VPS13B: variants seen among roughly 807,000 people sequenced by gnomAD.
VPS13B encodes the protein intermembrane lipid transfer protein VPS13B.
VPS13B carries 285 observed loss-of-function variants against 426.4 expected under a neutral mutation model. The observed-to-expected ratio is 0.67, with a 90% CI of 0.61 to 0.74. The LOEUF (loss-of-function observed/expected upper bound fraction) is 0.74, where lower values mean the gene tolerates loss of function less well. Ranked by LOEUF, VPS13B falls within the 30% of genes least tolerant of loss-of-function variation. The probability of loss-of-function intolerance (pLI) is 0.00; values close to 1 mark genes in which losing one functional copy is unlikely to be tolerated. For missense variants in VPS13B, 4,537 were observed against 4,782.6 expected, an observed-to-expected ratio of 0.95 and a Z score of 1.51; for synonymous variants, 1,676 against 1,676.4, an observed-to-expected ratio of 1.00 and a Z score of 0.01.
intron 19 of VPS13B, among the ~76,000 whole-genome samples, chr8:99,292,783 TTA>T (rs1481247665): frequency 6.6e-6 from 1 of 152,114 alleles, no homozygotes; most frequent in Non-Finnish European, 1.5e-5. Flanking sequence ...TGGGTAAATT[TTA>T]TATGTTATAT....
intron 14 of VPS13B, among the ~76,000 whole-genome samples, chr8:99,155,155 A>G (rs753710009): frequency 4.1e-4 from 62 of 152,202 alleles, no homozygotes; most frequent in Non-Finnish European, 6.0e-4. Context: ...AAAATATACC[A>G]TTTGAACACT....
rs992400461 is a variant in VPS13B, at chr8:99,499,321, C to G, written c.3871-2366C>G. Among the ~76,000 whole-genome samples the G allele has an allele frequency of 3.3e-5, 5 of 152,228 alleles. No homozygotes were observed. In the East Asian group the frequency reaches 9.7e-4, roughly 29 times the overall value. ...AACTGCATGAGGAAGTACAGCAAAG[C>G]TTTTACTGAGGAGTGCTTACTAAAT... On this transcript the variant is annotated intron_variant, in intron 25 of 61. Transcript: ENST00000357162.
At chr8:99,231,228 T>G (rs1042061316) in intron 17 of VPS13B, among the ~76,000 whole-genome samples, 1 of 152,178 alleles carries the variant, frequency 6.6e-6, no homozygotes, top group Non-Finnish European at 1.5e-5. Flanking sequence ...AAATATTAGG[T>G]CAGGAGATTG....
chr8:99,321,854 A>C (rs1810005051), intron 19 of VPS13B, among the ~76,000 whole-genome samples: 1 of 152,232 alleles, frequency 6.6e-6, no homozygotes, highest in Non-Finnish European at 1.5e-5. Flanking sequence ...AGTTGTCTTC[A>C]ATCTCATTTC....
At chr8:99,075,917 T>C (rs182214318) in intron 3 of VPS13B, among the ~76,000 whole-genome samples, 2 of 152,286 alleles carry the variant, frequency 1.3e-5, no homozygotes, top group Admixed American at 1.3e-4. Context: ...TTTGTGTTGG[T>C]TTTTCCTCTT....
At chr8:99,274,940 C>A in intron 18 of VPS13B, 141 bp from the exon 19 acceptor site, 1 of 711,192 alleles carries the variant, frequency 1.4e-6, no homozygotes, top group Non-Finnish European at 2.1e-6. Flanking sequence ...TTTTATGAGA[C>A]TCAGTATAAT....
chr8:99,140,549 TCTC>T (rs765432009), intron 12 of VPS13B, among the ~76,000 whole-genome samples: 8 of 150,794 alleles, frequency 5.3e-5, no homozygotes, highest in Admixed American at 3.4e-4. Flanking sequence ...CTTCTCTTCT[TCTC>T]CTCCTTCTCC....
In VPS13B at chr8:99,721,140, C is replaced by T. The variant is rs1350059213; in HGVS notation, c.7050+93C>T. On this transcript the variant is annotated intron_variant, in intron 39 of 61. Transcript: ENST00000357162. ...ATGTTTGGAACATACTTACTTCTTA[C>T]ATTAATAGTATCAGAGAGAAATACA... 3.1e-6 allele frequency: 4 copies of T among 1,277,336 alleles called. No homozygotes were observed. The African/African-American group carries it at 5.9e-5, about 19-fold the overall frequency. The allele number at this position is 1,277,336 out of a possible 1,614,324, so 79.1% of individuals were successfully genotyped here.
At chr8:99,656,279 T>G (rs192137913) in intron 34 of VPS13B, among the ~76,000 whole-genome samples, 1 of 152,314 alleles carries the variant, frequency 6.6e-6, no homozygotes, top group East Asian at 1.9e-4. Context: ...TCTGACACAT[T>G]TCCTACCTTC....
At chr8:99,145,235 T>C (rs1013614129) in intron 13 of VPS13B, among the ~76,000 whole-genome samples, 1 of 152,228 alleles carries the variant, frequency 6.6e-6, no homozygotes, top group African/African-American at 2.4e-5. Flanking sequence ...TAACTTATTA[T>C]TTTAATAGTA....
chr8:99,185,679 A>G (rs1056171720), intron 16 of VPS13B, among the ~76,000 whole-genome samples: 3 of 152,172 alleles, frequency 2.0e-5, no homozygotes, highest in African/African-American at 4.8e-5. Context: ...AAAAGAATGG[A>G]TGGCTGTTCC....
intron 44 of VPS13B, among the ~76,000 whole-genome samples, chr8:99,816,251 T>G (rs1291702881): frequency 1.3e-5 from 2 of 152,058 alleles, no homozygotes; most frequent in African/African-American, 4.8e-5. Context: ...TACAGGCATG[T>G]GCCACCATGC....
At chr8:99,732,307 C>T (rs1833639926) in intron 39 of VPS13B, among the ~76,000 whole-genome samples, 1 of 152,174 alleles carries the variant, frequency 6.6e-6, no homozygotes, top group Admixed American at 6.5e-5. Context: ...ACTCTGCCAT[C>T]CCCAGCACCC....
intron 30 of VPS13B, among the ~76,000 whole-genome samples, chr8:99,543,775 A>G (rs979989205): frequency 6.6e-6 from 1 of 151,788 alleles, no homozygotes; most frequent in Non-Finnish European, 1.5e-5. Context: ...ACCATCTCAC[A>G]CTAGTTAGAA....
At chr8:99,498,228 A>G (rs1821036238) in intron 25 of VPS13B, among the ~76,000 whole-genome samples, 1 of 152,162 alleles carries the variant, frequency 6.6e-6, no homozygotes, top group African/African-American at 2.4e-5. Context: ...ACACTTTGAA[A>G]TTGCAGGTTT....
chr8:99,622,452 A>T (rs1209279236), intron 33 of VPS13B, among the ~76,000 whole-genome samples: 2 of 152,206 alleles, frequency 1.3e-5, no homozygotes, highest in Admixed American at 6.5e-5. Context: ...CTTAATGCTT[A>T]ATTAGTAGAC....
At chr8:99,738,607 A>G (rs1833938337) in intron 39 of VPS13B, among the ~76,000 whole-genome samples, 1 of 152,230 alleles carries the variant, frequency 6.6e-6, no homozygotes, top group Non-Finnish European at 1.5e-5. Flanking sequence ...ATCCTATTGT[A>G]GATTTGACTC....
At chr8:99,601,307 T>C (rs1031016860) in intron 33 of VPS13B, among the ~76,000 whole-genome samples, 6 of 152,342 alleles carry the variant, frequency 3.9e-5, no homozygotes, top group Middle Eastern at 3.4e-3. Flanking sequence ...CCTTCGTTCA[T>C]GTCCCTGCAA....
Position 99,868,445 on chromosome 8 carries a change from T to A in VPS13B, c.11372T>A (p.Leu3791Gln). Residue 3791 changes from leucine (L) to glutamine (Q), a missense_variant, in exon 59 of 62, where the codon CTG (leucine) becomes CAG (glutamine). Around this residue, in one of 2 missense-constraint regions of VPS13B, gnomAD observed 4,311 missense variants for 4,474.3 expected, o/e 0.96. Coordinates refer to ENST00000357162, the MANE Select transcript of VPS13B (RefSeq NM_152564.5). ...FTKPIGGAAE[L>Q]VSQTGYGILH... ...AAGCCCATCGGAGGAGCTGCTGAGC[T>A]GGTGTCACAGACTGGCTATGGTAAG... The A allele has an allele frequency of 6.2e-7, 1 of 1,613,214 alleles. No homozygotes were observed. The highest frequency in any genetic ancestry group is 8.5e-7 in the Non-Finnish European group (1 of 1,179,640).
Sources: allele counts gnomAD v4.1 joint callset (sites outside exome capture counted in the v4.1 genomes callset), GRCh38; gene constraint gnomAD v4.1.1; regional missense constraint gnomAD v4.1.1; transcripts MANE v1.5; gene names NCBI Gene and HGNC (gene_info 2026-07-23, HGNC 2026-07-21).